Variants in TENM2 observed in about 807,000 individuals in gnomAD.
TENM2 encodes teneurin-2.
In TENM2, 52 loss-of-function variants were observed where a neutral mutation model predicts 245.2. The observed-to-expected ratio is 0.21, with a 90% confidence interval of 0.17 to 0.27. The LOEUF is 0.27. TENM2 is among the 10% of genes least tolerant of loss of function. The pLI is 1.00. For synonymous variants in TENM2, 1,363 were observed against 1,438.9 expected, an observed-to-expected ratio of 0.95 and a Z score of 1.19; for missense variants, 3,046 against 3,666.8, an observed-to-expected ratio of 0.83 and a Z score of 4.37.
At chr5:168,256,216 CTATATGTATATA>C (rs1213409389) in intron 27 of TENM2, among the ~76,000 whole-genome samples, 2 of 150,850 alleles carry the variant, frequency 1.3e-5, no homozygotes, top group African/African-American at 2.5e-5. Context: ...ATATATATGT[CTATATGTATATA>C]TATGTGTATA....
chr5:167,870,730 G>A (rs977802440), intron 2 of TENM2, among the ~76,000 whole-genome samples: 1 of 148,576 alleles, frequency 6.7e-6, no homozygotes, highest in African/African-American at 2.5e-5. Flanking sequence ...ATATATGTGT[G>A]ATAATGAGGT....
the TENM2 span, among the ~76,000 whole-genome samples, chr5:167,065,818 A>C: frequency 1.3e-5 from 2 of 152,222 alleles, no homozygotes; most frequent in East Asian, 1.9e-4. Flanking sequence ...CATAGACAAC[A>C]GTGGTCAGGA....
intron 17 of TENM2, among the ~76,000 whole-genome samples, chr5:168,200,735 C>T (rs1272904294): frequency 6.6e-6 from 1 of 152,156 alleles, no homozygotes; most frequent in African/African-American, 2.4e-5. Context: ...TTGAAGGAAT[C>T]ACGATTCCCT....
At chr5:167,029,461 C>T in the TENM2 span, among the ~76,000 whole-genome samples, 1 of 152,202 alleles carries the variant, frequency 6.6e-6, no homozygotes. Context: ...GGTGGAAGGG[C>T]AGCAGCTCAG....
intron 13 of TENM2, among the ~76,000 whole-genome samples, chr5:168,172,342 A>G (rs906139269): frequency 1.3e-5 from 2 of 152,212 alleles, no homozygotes; most frequent in African/African-American, 4.8e-5. Flanking sequence ...AAAGGACGTG[A>G]TGTCCAAAAC....
chr5:167,790,577 C>T (rs930512280), intron 2 of TENM2, among the ~76,000 whole-genome samples: 1 of 152,128 alleles, frequency 6.6e-6, no homozygotes, highest in Non-Finnish European at 1.5e-5. Context: ...AGTGCCTGGA[C>T]CCTTCAGATT....
chr5:167,480,944 C>T (rs1330555885), intron 2 of TENM2, among the ~76,000 whole-genome samples: 1 of 152,114 alleles, frequency 6.6e-6, no homozygotes, highest in Non-Finnish European at 1.5e-5. Context: ...TTTCTGAAAA[C>T]CAGGAATTCC....
At chr5:167,270,265 T>C in the TENM2 span, among the ~76,000 whole-genome samples, 13 of 152,210 alleles carry the variant, frequency 8.5e-5, no homozygotes, top group Non-Finnish European at 1.5e-4. Flanking sequence ...ATACTGGTAC[T>C]TAACTTGCAC....
chr5:168,007,594 A>G (rs540002933), intron 5 of TENM2, among the ~76,000 whole-genome samples: 1 of 152,328 alleles, frequency 6.6e-6, no homozygotes, highest in South Asian at 2.1e-4. Flanking sequence ...AAGGGCACTC[A>G]ACATGAGAGC....
intron 7 of TENM2, among the ~76,000 whole-genome samples, chr5:168,083,173 C>T (rs949995175): frequency 4.6e-5 from 7 of 152,200 alleles, no homozygotes; most frequent in South Asian, 2.1e-4. Context: ...CCCCCAGCCT[C>T]GCTGCCACCT....
At chr5:167,971,153 G>A (rs780177026) in intron 4 of TENM2, among the ~76,000 whole-genome samples, 14 of 151,816 alleles carry the variant, frequency 9.2e-5, no homozygotes, top group Non-Finnish European at 1.9e-4. Context: ...AGCTAATTCA[G>A]GCAGAAAGGG....
intron 4 of TENM2, 123 bp downstream of exon 6, chr5:167,952,945 C>A: frequency 2.7e-6 from 2 of 750,322 alleles, no homozygotes; most frequent in Admixed American, 2.3e-5. Context: ...AATAATGAGA[C>A]AAGTTTACCA....
At chr5:167,284,213 C>A (rs972203789), upstream of TENM2, among the ~76,000 whole-genome samples, 7 of 152,166 alleles carry the variant, frequency 4.6e-5, no homozygotes, top group South Asian at 1.0e-3. Flanking sequence ...AACTTTTATT[C>A]TTATTCTCCA....
At chr5:167,436,562 C>T (rs923647830) in intron 2 of TENM2, among the ~76,000 whole-genome samples, 12 of 152,138 alleles carry the variant, frequency 7.9e-5, no homozygotes, top group South Asian at 4.1e-4. Context: ...GTATAAGTAA[C>T]GAGGAGCCTA....
intron 8 of TENM2, among the ~76,000 whole-genome samples, chr5:168,097,268 C>A (rs1793442075): frequency 6.6e-6 from 1 of 152,124 alleles, no homozygotes; most frequent in Non-Finnish European, 1.5e-5. Context: ...AAAACTGATA[C>A]CCTGCACATC....
At chr5:167,981,308 C>T (rs1782818243) in intron 4 of TENM2, among the ~76,000 whole-genome samples, 1 of 152,202 alleles carries the variant, frequency 6.6e-6, no homozygotes, top group South Asian at 2.1e-4. Context: ...TCTTCCCATT[C>T]CTAGGGATGG....
chr5:167,517,025 C>A (rs1027185255), intron 2 of TENM2, among the ~76,000 whole-genome samples: 1 of 152,184 alleles, frequency 6.6e-6, no homozygotes, highest in African/African-American at 2.4e-5. Flanking sequence ...TTTTAACCAA[C>A]TTTTAAAAAA....
intron 4 of TENM2, among the ~76,000 whole-genome samples, chr5:167,990,995 T>TA (rs895963771): frequency 1.3e-5 from 2 of 152,058 alleles, no homozygotes; most frequent in Admixed American, 6.6e-5. Flanking sequence ...TGGATGTAAA[T>TA]AAAAAAATTT....
intron 2 of TENM2, among the ~76,000 whole-genome samples, chr5:167,740,966 G>T (rs749153333): frequency 6.6e-6 from 1 of 152,094 alleles, no homozygotes; most frequent in African/African-American, 2.4e-5. Context: ...CATGTCTTCT[G>T]TCAACCCTGC....
Sources: allele counts gnomAD v4.1 joint callset (sites outside exome capture counted in the v4.1 genomes callset), GRCh38; gene constraint gnomAD v4.1.1; transcripts MANE v1.5; gene names NCBI Gene and HGNC (gene_info 2026-07-23, HGNC 2026-07-21).